The following CDH7 variants were observed in gnomAD, a reference collection of about 807,000 sequenced individuals.
CDH7 encodes cadherin-7.
A neutral mutation model predicts 71.8 loss-of-function variants in CDH7; 25 were observed. That is an observed-to-expected ratio of 0.35 (90% CI 0.25 to 0.49). The LOEUF is 0.49. Ranked by LOEUF, CDH7 falls within the 20% of genes least tolerant of loss-of-function variation. The pLI is 0.99. For missense variants in CDH7, 862 were observed against 974.6 expected (o/e 0.88, Z 1.54); for synonymous variants, 381 against 363.8 (o/e 1.05, Z -0.54).
chr18:65,866,331 C>CAAAAAAAAAAAAAAAAAAAAAAAAAAAA (rs1291511991), intron 11 of CDH7: 1 of 2,598 alleles, frequency 3.8e-4, no homozygotes, highest in Non-Finnish European at 7.8e-4. Context: ...AAAAAAAAAA[C>CAAAAAAAAAAAAAAAAAAAAAAAAAAAA]AAAAAAAAAA....
intron 1 of CDH7, among the ~76,000 whole-genome samples, chr18:65,754,127 G>A (rs1432150408): frequency 6.6e-6 from 1 of 151,570 alleles, no homozygotes; most frequent in African/African-American, 2.4e-5. Flanking sequence ...TTGTTACTTT[G>A]TTTACTTTTT....
intron 4 of CDH7, among the ~76,000 whole-genome samples, chr18:65,817,474 G>C (rs1216302515): frequency 6.6e-6 from 1 of 152,166 alleles, no homozygotes; most frequent in Admixed American, 6.5e-5. Context: ...CTACTTCACT[G>C]TTGTTGGTTC....
chr18:65,778,529 C>CTTTTTTTTT (rs1156727313), intron 2 of CDH7, among the ~76,000 whole-genome samples: 1,064 of 84,144 alleles, frequency 0.013, 71 homozygotes, highest in African/African-American at 0.045. Flanking sequence ...GCGTCTCACT[C>CTTTTTTTTT]TTTTTTTTTT....
chr18:65,781,819 C>CTTCTCTCTTTCT (rs1910225769), intron 2 of CDH7, among the ~76,000 whole-genome samples: 1 of 43,898 alleles, frequency 2.3e-5, no homozygotes, highest in East Asian at 8.7e-4. Flanking sequence ...TCCTTCCTTC[C>CTTCTCTCTTTCT]TTCTTTCTTT....
At chr18:65,832,569 A>C (rs777080996) in intron 6 of CDH7, among the ~76,000 whole-genome samples, 4 of 152,004 alleles carry the variant, frequency 2.6e-5, no homozygotes, top group African/African-American at 9.7e-5. Flanking sequence ...TTTAAATATA[A>C]AAATGATGAT....
intron 11 of CDH7, among the ~76,000 whole-genome samples, chr18:65,872,235 C>T (rs1913949454): frequency 6.6e-6 from 1 of 152,074 alleles, no homozygotes. Flanking sequence ...ACAAAGTGCT[C>T]ATTGGATTTG....
At chr18:65,869,767 A>G (rs1913874389) in intron 11 of CDH7, among the ~76,000 whole-genome samples, 1 of 152,050 alleles carries the variant, frequency 6.6e-6, no homozygotes, top group Non-Finnish European at 1.5e-5. Flanking sequence ...GTCATTATTT[A>G]TATCAGCTAA....
At chr18:65,861,375 T>C (rs1204582714) in intron 10 of CDH7, among the ~76,000 whole-genome samples, 5 of 138,594 alleles carry the variant, frequency 3.6e-5, no homozygotes, top group Admixed American at 7.0e-5. Context: ...TTGGTATCAG[T>C]CATGTTAGAT....
chr18:65,798,565 G>C (rs1372728032), intron 2 of CDH7, among the ~76,000 whole-genome samples: 1 of 152,166 alleles, frequency 6.6e-6, no homozygotes, highest in African/African-American at 2.4e-5. Context: ...TGCATTCTTG[G>C]AATAAACACT....
At chr18:65,774,666 G>T (rs1379013229) in intron 2 of CDH7, among the ~76,000 whole-genome samples, 1 of 152,008 alleles carries the variant, frequency 6.6e-6, no homozygotes, top group East Asian at 1.9e-4. Flanking sequence ...TCATATCTCA[G>T]ATAATGTTGA....
At chr18:65,858,803 G>C (rs2144030194) in intron 8 of CDH7, 122 bp from the exon 9 acceptor site, 1 of 878,740 alleles carries the variant, frequency 1.1e-6, no homozygotes, top group South Asian at 1.8e-5. Flanking sequence ...ATTTTCTATA[G>C]CTCCTTTTAA....
At chr18:65,856,006 A>C (rs1054554740) in intron 7 of CDH7, among the ~76,000 whole-genome samples, 9 of 152,176 alleles carry the variant, frequency 5.9e-5, no homozygotes, top group African/African-American at 2.2e-4. Flanking sequence ...ATTGAAAAAA[A>C]AAATGGGGGA....
chr18:65,761,780 G>A (rs1016309145), intron 1 of CDH7, among the ~76,000 whole-genome samples: 1 of 152,134 alleles, frequency 6.6e-6, no homozygotes. Flanking sequence ...ATAGACATTA[G>A]AATAAAAGGG....
rs1323475487 is a variant in CDH7, at chr18:65,762,793, C to A, written c.-50C>A. ...TAAGCCAACTGGAACTGTGCCTTTTCTCTTGTCAAGGTTTTTTTCTTACAC... is the reference window on the plus strand; with the variant it reads ...TAAGCCAACTGGAACTGTGCCTTTTATCTTGTCAAGGTTTTTTTCTTACAC... On this transcript the variant is annotated 5_prime_UTR_variant, in exon 2 of 12. Coordinates refer to ENST00000397968, the MANE Select transcript of CDH7 (RefSeq NM_004361.5). The A allele has an allele frequency of 3.3e-6, 5 of 1,532,854 alleles. No homozygotes were observed. Among genetic ancestry groups the A allele is most frequent in the Non-Finnish European group, 4.4e-6 (5 of 1,127,900 alleles). The allele number at this position is 1,532,854 out of a possible 1,614,324, so 95.0% of individuals were successfully genotyped here.
intron 6 of CDH7, 144 bp from the exon 7 acceptor site, chr18:65,843,668 A>G (rs1171039577): frequency 1.6e-6 from 1 of 640,198 alleles, no homozygotes; most frequent in South Asian, 3.0e-5. Flanking sequence ...TCTGATTGGC[A>G]TTGTTATTTA....
chr18:65,772,394 C>G (rs1338170996), intron 2 of CDH7, among the ~76,000 whole-genome samples: 2 of 152,148 alleles, frequency 1.3e-5, no homozygotes, highest in African/African-American at 4.8e-5. Flanking sequence ...CTCATCTACT[C>G]TATCCCTGAC....
At chr18:65,877,472 C>T (rs1914105132) in intron 11 of CDH7, among the ~76,000 whole-genome samples, 1 of 151,934 alleles carries the variant, frequency 6.6e-6, no homozygotes, top group South Asian at 2.1e-4. Flanking sequence ...GTTTTGTCTA[C>T]TTAGACATTG....
chr18:65,829,557 A>G (rs1912259555), intron 6 of CDH7, among the ~76,000 whole-genome samples: 1 of 151,854 alleles, frequency 6.6e-6, no homozygotes, highest in Admixed American at 6.6e-5. Flanking sequence ...AATCTAGAGC[A>G]GTCACTAAAC....
chr18:65,767,825 G>A (rs532352228), intron 2 of CDH7, among the ~76,000 whole-genome samples: 1 of 152,282 alleles, frequency 6.6e-6, no homozygotes, highest in African/African-American at 2.4e-5. Flanking sequence ...ACTGCAATAA[G>A]CAAATACATT....
Sources: allele counts gnomAD v4.1 joint callset (sites outside exome capture counted in the v4.1 genomes callset), GRCh38; gene constraint gnomAD v4.1.1; transcripts MANE v1.5; gene names NCBI Gene and HGNC (gene_info 2026-07-23, HGNC 2026-07-21).